The following SGCD variants were observed in gnomAD, a reference collection of about 807,000 sequenced individuals.
The protein encoded by SGCD is sarcoglycan delta.
A neutral mutation model predicts 36.6 loss-of-function variants in SGCD; 18 were observed. That is an observed-to-expected ratio of 0.49 (90% confidence interval 0.34 to 0.73). SGCD has a LOEUF of 0.73. Ranked by LOEUF, SGCD falls within the 30% of genes least tolerant of loss-of-function variation. The pLI, the probability that SGCD is intolerant of heterozygous loss-of-function variation, is 0.01. For synonymous variants in SGCD, 133 were observed against 130.6 expected, an observed-to-expected ratio of 1.02 and a Z score of -0.12; for missense variants, 387 against 346.7, an observed-to-expected ratio of 1.12 and a Z score of -0.92.
intron 1 of SGCD, among the ~76,000 whole-genome samples, chr5:155,947,965 A>T (rs754627857): frequency 9.9e-5 from 15 of 152,192 alleles, no homozygotes; most frequent in Non-Finnish European, 2.1e-4. Flanking sequence ...TAGGGTGATT[A>T]TAAAGATTTC....
intron 3 of SGCD, among the ~76,000 whole-genome samples, chr5:156,374,896 A>G (rs1770576627): frequency 6.6e-6 from 1 of 152,190 alleles, no homozygotes; most frequent in South Asian, 2.1e-4. Flanking sequence ...GAGAATAGCA[A>G]TTTTAAATAA....
chr5:156,517,667 C>T (rs373120634), intron 4 of SGCD, among the ~76,000 whole-genome samples: 2 of 152,138 alleles, frequency 1.3e-5, no homozygotes, highest in Non-Finnish European at 2.9e-5. Context: ...ACCCTACAAG[C>T]TAGAAGAGAT....
At chr5:155,812,281 A>G in the SGCD span, among the ~76,000 whole-genome samples, 1 of 152,168 alleles carries the variant, frequency 6.6e-6, no homozygotes, top group Non-Finnish European at 1.5e-5. Flanking sequence ...TCCCAGAGCT[A>G]TGAACATCTG....
In SGCD at chr5:156,215,340, C is replaced by T. The variant is rs574614469; in HGVS notation, c.-44+91321C>T. ...AGGTAAAAATACACAAATGGGATTG[C>T]ATTAAAATAAAAAGCTCATGCACAG... On this transcript the variant is annotated intron_variant, in intron 3 of 9. Coordinates refer to the SGCD transcript ENST00000517913. Among the ~76,000 whole-genome samples, 7 of 152,086 alleles carry T rather than the reference C, an allele frequency of 4.6e-5. No individual in the cohort carries two copies. In the South Asian group the frequency reaches 1.5e-3, roughly 32 times the overall value.
chr5:156,077,336 A>G (rs977364260), intron 1 of SGCD, among the ~76,000 whole-genome samples: 7 of 152,120 alleles, frequency 4.6e-5, no homozygotes, highest in African/African-American at 1.7e-4. Context: ...CCCTCTTCTC[A>G]GTTACTTACC....
chr5:155,823,113 T>TCTATCTAC, the SGCD span, among the ~76,000 whole-genome samples: 1 of 147,328 alleles, frequency 6.8e-6, no homozygotes, highest in East Asian at 2.0e-4. Context: ...TATCTATCTA[T>TCTATCTAC]CTGGCTAGCT....
the SGCD span, among the ~76,000 whole-genome samples, chr5:155,741,873 C>T: frequency 4.1e-4 from 63 of 151,864 alleles, no homozygotes; most frequent in Non-Finnish European, 7.9e-4. Flanking sequence ...TTGGTAGAGA[C>T]AGGGTTTTGC....
chr5:156,497,174 T>C (rs931618081), intron 3 of SGCD, among the ~76,000 whole-genome samples: 34 of 15,290 alleles, frequency 2.2e-3, no homozygotes, highest in Non-Finnish European at 1.3e-3. Flanking sequence ...TCCTGCACTC[T>C]CTCTCTCTCT....
chr5:155,737,835 G>A, the SGCD span, among the ~76,000 whole-genome samples: 4 of 152,058 alleles, frequency 2.6e-5, no homozygotes, highest in African/African-American at 7.2e-5. Context: ...CCCCCATGTA[G>A]CATTTTTTAG....
At chr5:156,084,155 A>G (rs980382403) in intron 1 of SGCD, among the ~76,000 whole-genome samples, 14 of 152,220 alleles carry the variant, frequency 9.2e-5, no homozygotes, top group South Asian at 2.1e-4. Flanking sequence ...TTTGACAGGC[A>G]TTGCATCAAA....
intron 4 of SGCD, among the ~76,000 whole-genome samples, chr5:156,571,370 A>T (rs1759717763): frequency 6.6e-6 from 1 of 151,424 alleles, no homozygotes; most frequent in East Asian, 1.9e-4. Context: ...TTTTAAACAT[A>T]TTTTTTTTGG....
intron 3 of SGCD, among the ~76,000 whole-genome samples, chr5:156,149,735 A>G (rs1228294349): frequency 6.6e-6 from 1 of 152,142 alleles, no homozygotes; most frequent in Non-Finnish European, 1.5e-5. Flanking sequence ...GTCGTGGGGC[A>G]TGCCCTGCCT....
At chr5:155,902,652 A>G (rs1288229925) in intron 1 of SGCD, among the ~76,000 whole-genome samples, 1 of 152,118 alleles carries the variant, frequency 6.6e-6, no homozygotes, top group Non-Finnish European at 1.5e-5. Flanking sequence ...TGGCACCTTT[A>G]TCTGCAACTT....
At chr5:155,993,840 C>A (rs1477489302) in intron 1 of SGCD, among the ~76,000 whole-genome samples, 1 of 152,124 alleles carries the variant, frequency 6.6e-6, no homozygotes, top group Admixed American at 6.5e-5. Flanking sequence ...AAGTGCACAG[C>A]GTTTTTATGA....
At chr5:155,779,406 C>A in the SGCD span, among the ~76,000 whole-genome samples, 2 of 151,962 alleles carry the variant, frequency 1.3e-5, no homozygotes, top group African/African-American at 4.8e-5. Context: ...CCATTGCACT[C>A]TAGTCTGGGT....
At chr5:156,120,426 A>G (rs1356628806) in intron 2 of SGCD, among the ~76,000 whole-genome samples, 2 of 152,202 alleles carry the variant, frequency 1.3e-5, no homozygotes, top group African/African-American at 4.8e-5. Context: ...GTCTACTCAT[A>G]TCTGGGCAAC....
In SGCD at chr5:156,309,539, T is replaced by G. The variant is rs979944162; in HGVS notation, c.-43-19995T>G. ...AAGTTTTCTGTATTTTTATTAATAT[T>G]TCTATTTTGTTCATACATAATTTCC... is the stretch of plus-strand genomic sequence containing the variant. On this transcript the variant is annotated intron_variant, in intron 3 of 9. Transcript: ENST00000517913. Among the ~76,000 whole-genome samples the G allele has an allele frequency of 2.0e-5, 3 of 152,022 alleles. No homozygotes were observed. In the South Asian group the frequency reaches 6.2e-4, roughly 31 times the overall value.
intron 3 of SGCD, among the ~76,000 whole-genome samples, chr5:156,218,545 A>T (rs1764635323): frequency 6.6e-6 from 1 of 152,184 alleles, no homozygotes; most frequent in East Asian, 1.9e-4. Context: ...TCAGTTACCT[A>T]ACCTGGAATT....
intron 3 of SGCD, among the ~76,000 whole-genome samples, chr5:156,503,864 A>AG (rs572785139): frequency 1.4e-4 from 21 of 152,204 alleles, no homozygotes; most frequent in African/African-American, 2.2e-4. Flanking sequence ...GTTACTTAAG[A>AG]GTTTTTTTTT....
Sources: allele counts gnomAD v4.1 joint callset (sites outside exome capture counted in the v4.1 genomes callset), GRCh38; gene constraint gnomAD v4.1.1; transcripts MANE v1.5; gene names NCBI Gene and HGNC (gene_info 2026-07-23, HGNC 2026-07-21).